FEV: variants seen among roughly 807,000 people sequenced by gnomAD.
FEV encodes the protein protein FEV.
Under a neutral mutation model 20.5 loss-of-function variants are expected in FEV, and 14 were observed. The ratio of observed to expected loss-of-function variants is 0.68; its 90% CI spans 0.45 to 1.07. FEV has a LOEUF of 1.07. Ranked by LOEUF, FEV falls within the 50% of genes least tolerant of loss-of-function variation. The pLI, the probability that FEV is intolerant of heterozygous loss-of-function variation, is 0.00. For synonymous variants in FEV, 188 were observed against 163.7 expected (o/e 1.15, Z -1.13); for missense variants, 301 against 345.3 (o/e 0.87, Z 1.02).
Position 218,981,695 on chromosome 2 carries a change from G to T in FEV, c.689C>A (p.Ala230Asp). The change falls in exon 3 of 3, where the codon GCC (alanine) becomes GAC (aspartate). Residue 230 changes from alanine to aspartate, a missense_variant. Coordinates refer to ENST00000295727, the MANE Select transcript of FEV (RefSeq NM_017521.3). The surrounding 1 kb of genome is among the most constrained non-coding windows in gnomAD (Gnocchi z 4.5). ...GTGGTAATGGCCCCCCAAGTGCGAG[G>T]CTGCGGCCACGGCCCCGAAGGGCCC... ...PPGPFGAVAA[A>D]SHLGGHYH 7.4e-7 allele frequency: 1 copy of T among 1,342,586 alleles called. No homozygotes were observed. Among genetic ancestry groups the T allele is most frequent in the Non-Finnish European group, 9.5e-7 (1 of 1,052,898 alleles). 83.2% of individuals were successfully genotyped at this position (1,342,586 alleles called of 1,614,324 possible). A position where few individuals can be genotyped will look rare whatever the true frequency, so the allele number is the denominator to read the frequency against.
Position 218,981,925 on chromosome 2 carries a change from CGCGGCGGCGGCAGCAGCT to C in FEV, c.441_458del (p.Ala150_Ala155del), listed in dbSNP as rs751332438. The C allele has an allele frequency of 1.5e-5, 20 of 1,316,262 alleles. No homozygotes were observed. Among genetic ancestry groups the C allele is most frequent in the South Asian group, 7.3e-5 (3 of 40,988 alleles). 81.5% of individuals were successfully genotyped at this position (1,316,262 alleles called of 1,614,324 possible). On this transcript the variant is annotated inframe_deletion, in exon 3 of 3. Coordinates refer to ENST00000295727, the MANE Select transcript of FEV (RefSeq NM_017521.3). The surrounding 1 kb of genome is among the most constrained non-coding windows in gnomAD (Gnocchi z 4.5). ...TGTAGAGCGCGCCGTCCTGGGCGGCCGCGGCGGCGGCAGCAGCTGCGGCGGCGGCATGAGCGTGCGCGG... is the reference window on the plus strand; with the variant it reads ...TGTAGAGCGCGCCGTCCTGGGCGGCCGCGGCGGCGGCATGAGCGTGCGCGG...
In FEV at chr2:218,984,236, T is replaced by C. The variant is rs1278320671; in HGVS notation, c.122A>G (p.Gln41Arg). The C allele has an allele frequency of 1.9e-6, 3 of 1,595,678 alleles. No homozygotes were observed. Among genetic ancestry groups the C allele is most frequent in the South Asian group, 2.3e-5 (2 of 88,050 alleles). The part of the protein sequence containing the change: ...PSWGPLSPAV[Q>R]KGSGQIQLWQ... ...CAGCGCGCCGGCCATCTCACCTTTC[T>C]GAACCGCGGGGCTCAGCGGCCCCCA... The change falls in exon 2 of 3, where the codon CAG becomes CGG. Residue 41 changes from glutamine to arginine, a missense_variant. Physicochemically the swap from Gln to Arg is conservative, Grantham distance 43. Transcript: ENST00000295727. The surrounding 1 kb of genome is among the most constrained non-coding windows in gnomAD (Gnocchi z 5.0).
rs760631502 is a variant in FEV at position 218,985,009 on chromosome 2, G to A, written c.52+15C>T. The A allele has an allele frequency of 6.4e-7, 1 of 1,552,014 alleles. No homozygotes were observed. Among genetic ancestry groups the A allele is most frequent in the Non-Finnish European group, 8.7e-7 (1 of 1,147,322 alleles). The stretch of plus-strand genomic sequence containing the variant: ...CAGGTTCCGGTGCCACCAGCCTCCG[G>A]CTGGTCCCTGGTACCTGGCAGGTAC... On this transcript the variant is annotated intron_variant, in intron 1 of 2. Transcript: ENST00000295727.
chr2:218,982,041 T>A lies in FEV; in HGVS notation c.343A>T (p.Ser115Cys). The change falls in exon 3 of 3, where the codon AGC becomes TGC. Residue 115 changes from serine to cysteine, a missense_variant. Physicochemically the swap from Ser to Cys is moderately radical, Grantham distance 112. Coordinates refer to ENST00000295727, the MANE Select transcript of FEV (RefSeq NM_017521.3). Reference sequence around the variant, plus strand: ...GCGTAGCGCTTGCCATGCACCTTGCTCATGATGTTCTTGTCGTAGTAGTAG... The same window carrying A: ...GCGTAGCGCTTGCCATGCACCTTGCACATGATGTTCTTGTCGTAGTAGTAG... ...LRYYYDKNIM[S>C]KVHGKRYAYR... The A allele has an allele frequency of 6.2e-7, 1 of 1,613,748 alleles. No homozygotes were observed. The highest frequency in any genetic ancestry group is 8.5e-7 in the Non-Finnish European group (1 of 1,179,840).
intron 2 of FEV, among the ~76,000 whole-genome samples, chr2:218,983,483 A>C (rs1177656906): frequency 6.6e-6 from 1 of 152,216 alleles, no homozygotes; most frequent in Non-Finnish European, 1.5e-5. Flanking sequence ...GTTAAGTTTT[A>C]GGGTCAGAAG....
At chr2:218,982,794 C>T (rs1320984422) in intron 2 of FEV, among the ~76,000 whole-genome samples, 3 of 152,176 alleles carry the variant, frequency 2.0e-5, no homozygotes, top group South Asian at 4.1e-4. Context: ...TGGACAAGGC[C>T]CAGCTAGTCC....
Position 218,984,474 on chromosome 2 carries a change from C to A in FEV, c.53-169G>T, listed in dbSNP as rs1018483188. ...CGGAGCCTGGTCCAGGCGCGCTGCG[C>A]GGAGCCCCTCCATAGAGCCCAAGTC... On this transcript the variant is annotated intron_variant, in intron 1 of 2. Transcript: ENST00000295727. The surrounding 1 kb of genome is among the most constrained non-coding windows in gnomAD (Gnocchi z 5.0). 3.4e-6 allele frequency: 2 copies of A among 590,952 alleles called. No homozygotes were observed. The highest frequency in any genetic ancestry group is 4.3e-4 in the Middle Eastern group (1 of 2,330). 36.6% of individuals were successfully genotyped at this position (590,952 alleles called of 1,614,324 possible). A position where few individuals can be genotyped will look rare whatever the true frequency, so the allele number is the denominator to read the frequency against.
rs750147210 is a variant in FEV at position 218,982,269 on chromosome 2, G to A, written c.128-13C>T. On this transcript the variant is annotated splice_polypyrimidine_tract_variant and intron_variant, in intron 2 of 2. Transcript: ENST00000295727. ...ATCTGTCCGCTGCCTGTGGGGAGGG[G>A]GGCGGTCAGCCACAGGCGGGAGCGG... 17 of 1,560,410 alleles carry A rather than the reference G, an allele frequency of 1.1e-5. No individual in the cohort carries two copies. The South Asian group carries it at 1.7e-4, about 16-fold the overall frequency.
At chr2:218,983,239 G>C (rs1424221259) in intron 2 of FEV, among the ~76,000 whole-genome samples, 2 of 152,112 alleles carry the variant, frequency 1.3e-5, no homozygotes, top group African/African-American at 4.8e-5. Flanking sequence ...CCCTGTCTTG[G>C]AGCCTCAAGC....
Position 218,984,881 on chromosome 2 carries a change from C to G in FEV, c.52+143G>C. The G allele has an allele frequency of 1.3e-6, 1 of 760,006 alleles. No individual in the cohort carries two copies. The allele number at this position is 760,006 out of a possible 1,614,324, so 47.1% of individuals were successfully genotyped here. A position where few individuals can be genotyped will look rare whatever the true frequency, so the allele number is the denominator to read the frequency against. ...TCTGCCTTTAGGTCTCCCCAGTGCC[C>G]TACATTACAATCGGCCCTCCATGCA... On this transcript the variant is annotated intron_variant, in intron 1 of 2. Transcript: ENST00000295727. This position sits in a 1 kb window ranked among gnomAD's most constrained non-coding sequence, Gnocchi z 5.0.
Position 218,984,876 on chromosome 2 carries a change from G to C in FEV, c.52+148C>G, listed in dbSNP as rs954015244. ...CTCTATCTGCCTTTAGGTCTCCCCA[G>C]TGCCCTACATTACAATCGGCCCTCC... On this transcript the variant is annotated intron_variant, in intron 1 of 2. Coordinates refer to ENST00000295727, the MANE Select transcript of FEV (RefSeq NM_017521.3). The surrounding 1 kb of genome is among the most constrained non-coding windows in gnomAD (Gnocchi z 5.0). 1 of 734,498 alleles carries C rather than the reference G, an allele frequency of 1.4e-6. No homozygotes were observed. Among genetic ancestry groups the C allele is most frequent in the Admixed American group, 2.1e-5 (1 of 47,216 alleles). 45.5% of individuals were successfully genotyped at this position (734,498 alleles called of 1,614,324 possible).
intron 2 of FEV, among the ~76,000 whole-genome samples, chr2:218,982,615 C>T (rs1945401545): frequency 1.3e-5 from 2 of 152,230 alleles, no homozygotes; most frequent in Non-Finnish European, 2.9e-5. Flanking sequence ...CGAGCAAGGA[C>T]AGATATCCGC....
rs1945419908 is a variant in FEV, at chr2:218,984,422, G to A, written c.53-117C>T. 1.0e-6 allele frequency: 1 copy of A among 970,870 alleles called. No individual in the cohort carries two copies. The highest frequency in any genetic ancestry group is 1.5e-6 in the Non-Finnish European group (1 of 676,736). The allele number at this position is 970,870 out of a possible 1,614,324, so 60.1% of individuals were successfully genotyped here. On this transcript the variant is annotated intron_variant, in intron 1 of 2. Transcript: ENST00000295727. The surrounding 1 kb of genome is among the most constrained non-coding windows in gnomAD (Gnocchi z 5.0). ...CTGTGGTCCCCAGGCGCGAGGCTGG[G>A]GGCCCGGGCCACCCGGCTCCTCCTC...
Position 218,981,446 on chromosome 2 carries a change from T to A in FEV, c.*221A>T, listed in dbSNP as rs985231535. The A allele has an allele frequency of 1.8e-5, 7 of 395,762 alleles. No homozygotes were observed. The highest frequency in any genetic ancestry group is 3.1e-5 in the Non-Finnish European group (7 of 226,724). The allele number at this position is 395,762 out of a possible 1,614,324, so 24.5% of individuals were successfully genotyped here. ...GAAAAAAAGTGAAAGAGGGCGCACA[T>A]CGCCCTCCTCAGGGGACTGCGGGGT... On this transcript the variant is annotated 3_prime_UTR_variant, in exon 3 of 3. Coordinates refer to ENST00000295727, the MANE Select transcript of FEV (RefSeq NM_017521.3). The surrounding 1 kb of genome is among the most constrained non-coding windows in gnomAD (Gnocchi z 4.5).
At position 218,981,685 on chromosome 2, in the gene FEV, C is replaced by T. The variant is rs984991444; in HGVS notation, c.699G>A (p.Leu233=). ...GCCCCGTCTAGTGGTAATGGCCCCCCAAGTGCGAGGCTGCGGCCACGGCCC... is the reference window on the plus strand; with the variant it reads ...GCCCCGTCTAGTGGTAATGGCCCCCTAAGTGCGAGGCTGCGGCCACGGCCC... The part of the protein sequence containing the change: ...PFGAVAAASH[L]GGHYH The change falls in exon 3 of 3, where the codon TTG becomes TTA. Residue 233 remains leucine (L), a synonymous_variant. Transcript: ENST00000295727. This position sits in a 1 kb window ranked among gnomAD's most constrained non-coding sequence, Gnocchi z 4.5. The T allele has an allele frequency of 2.3e-5, 31 of 1,341,522 alleles. No homozygotes were observed. The highest frequency in any genetic ancestry group is 3.0e-5 in the African/African-American group (2 of 65,582). 83.1% of individuals were successfully genotyped at this position (1,341,522 alleles called of 1,614,324 possible).
At position 218,984,195 on chromosome 2, in the gene FEV, C is replaced by G; in HGVS notation, c.127+36G>C. 6.4e-7 allele frequency: 1 copy of G among 1,558,094 alleles called. No individual in the cohort carries two copies. Among genetic ancestry groups the G allele is most frequent in the Middle Eastern group, 1.7e-4 (1 of 5,850 alleles). ...CCGCCTGTGCCCTGACCCCAACCAA[C>G]CTCGCCTCCGCCGCCCAGCGCGCCG... is the stretch of plus-strand genomic sequence containing the variant. On this transcript the variant is annotated intron_variant, in intron 2 of 2. Transcript: ENST00000295727. The surrounding 1 kb of genome is among the most constrained non-coding windows in gnomAD (Gnocchi z 5.0).
Position 218,981,526 on chromosome 2 carries a change from C to G in FEV, c.*141G>C, listed in dbSNP as rs1945384409. 1.6e-6 allele frequency: 1 copy of G among 624,190 alleles called. No individual in the cohort carries two copies. The highest frequency in any genetic ancestry group is 2.3e-6 in the Non-Finnish European group (1 of 433,922). 38.7% of individuals were successfully genotyped at this position (624,190 alleles called of 1,614,324 possible). A position where few individuals can be genotyped will look rare whatever the true frequency, so the allele number is the denominator to read the frequency against. ...GGATTGAGGGAGCTTCGGTCCCGTC[C>G]CCCTGCTAAGTGCGGCAGGTGGAGT... On this transcript the variant is annotated 3_prime_UTR_variant, in exon 3 of 3. Coordinates refer to ENST00000295727, the MANE Select transcript of FEV (RefSeq NM_017521.3). The surrounding 1 kb of genome is among the most constrained non-coding windows in gnomAD (Gnocchi z 4.5).
rs1945422499 is a variant in FEV, at chr2:218,984,682, C to G, written c.52+342G>C. 6.6e-6 allele frequency among the ~76,000 whole-genome samples: 1 copy of G among 152,162 alleles called. No individual in the cohort carries two copies. Among genetic ancestry groups the G allele is most frequent in the African/African-American group, 2.4e-5 (1 of 41,450 alleles). ...GCCGTGAGAGCGCAGGGGAGACGCCCGCGGACCACAGCCTTCTGGTACGGC... is the reference window on the plus strand; with the variant it reads ...GCCGTGAGAGCGCAGGGGAGACGCCGGCGGACCACAGCCTTCTGGTACGGC... On this transcript the variant is annotated intron_variant, in intron 1 of 2. Transcript: ENST00000295727. This position sits in a 1 kb window ranked among gnomAD's most constrained non-coding sequence, Gnocchi z 5.0.
chr2:218,981,268 T>C lies in FEV; in HGVS notation c.*399A>G, dbSNP rs956183202. On this transcript the variant is annotated 3_prime_UTR_variant, in exon 3 of 3. Coordinates refer to ENST00000295727, the MANE Select transcript of FEV (RefSeq NM_017521.3). This position sits in a 1 kb window ranked among gnomAD's most constrained non-coding sequence, Gnocchi z 4.5. ...CTCCACGTGCTGAGGTGGGAGCAGT[T>C]CCTTGGGGAAGAGCAAAAGTGGGAA... is the stretch of plus-strand genomic sequence containing the variant. 4.3e-6 allele frequency: 1 copy of C among 234,462 alleles called. No homozygotes were observed. The highest frequency in any genetic ancestry group is 5.6e-5 in the Admixed American group (1 of 17,758). The allele number at this position is 234,462 out of a possible 1,614,324, so 14.5% of individuals were successfully genotyped here. A position where few individuals can be genotyped will look rare whatever the true frequency, so the allele number is the denominator to read the frequency against.
Sources: gnomAD v4.1 joint callset for allele counts (sites outside exome capture counted in the v4.1 genomes callset) on GRCh38, gnomAD v4.1.1 for gene constraint, Gnocchi (gnomAD v3.1) non-coding constraint, MANE v1.5 for transcripts, NCBI Gene and HGNC (gene_info 2026-07-23, HGNC 2026-07-21) for gene names.